The following ZSCAN5B variants were observed in gnomAD, a reference collection of about 807,000 sequenced individuals.
ZSCAN5B encodes zinc finger and SCAN domain containing 5B.
ZSCAN5B carries 26 observed loss-of-function variants against 25.2 expected under a neutral mutation model. That is an observed-to-expected ratio of 1.03 (90% confidence interval 0.76 to 1.43). The LOEUF is 1.43. ZSCAN5B is among the 40% of genes most tolerant of loss of function. The pLI, the probability that ZSCAN5B is intolerant of heterozygous loss-of-function variation, is 0.00. For missense variants in ZSCAN5B, 745 were observed against 622.1 expected (o/e 1.20, Z -2.10); for synonymous variants, 244 against 240.9 (o/e 1.01, Z -0.12).
rs368861394 is a variant in ZSCAN5B, at chr19:56,192,942, G to A, written c.111C>T (p.Asp37=). 2.7e-5 allele frequency: 43 copies of A among 1,613,778 alleles called. No individual in the cohort carries two copies. In the East Asian group the frequency reaches 8.0e-4, roughly 30 times the overall value. The change falls in exon 2 of 5, where the codon GAC becomes GAT. Residue 37 remains aspartate (D), a synonymous_variant. Coordinates refer to ENST00000586855, the Ensembl canonical transcript of ZSCAN5B. ...TCATGTGCCAAGTCTCAGGGTTCCT[G>A]TCGTGATTTCCAAGTTGAGTTTCTG...
chr19:56,191,133 C>T, intron 3 of ZSCAN5B, 146 bp from the exon 4 acceptor site: 1 of 1,129,464 alleles, frequency 8.9e-7, no homozygotes, highest in Non-Finnish European at 1.3e-6. Context: ...ATTTCTGCGT[C>T]TGTCCCTAAT....
At position 56,193,013 on chromosome 19, in the gene ZSCAN5B, G is replaced by A. The variant is rs551826201; in HGVS notation, c.40C>T (p.Pro14Ser). ...GTGTCTGACCCAGGGCTGTTGCAGG[G>A]TCCTCCCTGACCCCATGAGAGTGTC... The change falls in exon 2 of 5, where the codon CCC (proline) becomes TCC (serine). Residue 14 changes from proline to serine, a missense_variant. Coordinates refer to ENST00000586855, the Ensembl canonical transcript of ZSCAN5B. 3.9e-5 allele frequency: 63 copies of A among 1,596,240 alleles called. No individual in the cohort carries two copies. In the South Asian group the frequency reaches 6.2e-4, roughly 16 times the overall value.
intron 1 of ZSCAN5B, 41 bp downstream of exon 1, chr19:56,197,693 C>T: frequency 1.0e-6 from 1 of 974,094 alleles, no homozygotes; most frequent in Non-Finnish European, 1.2e-6. Flanking sequence ...CCCCCGCATG[C>T]CAGCTCCGAA....
chr19:56,190,557 T>G (rs1660985764), exon 5 of ZSCAN5B: 20 of 1,612,362 alleles, frequency 1.2e-5, no homozygotes, highest in Non-Finnish European at 1.5e-5. Flanking sequence ...TTCCTTCCCC[T>G]CCTTTGCTCT....
Position 56,190,965 on chromosome 19 carries a change from T to C in ZSCAN5B, c.611A>G (p.Lys204Arg), listed in dbSNP as rs1390353708. 18 of 1,613,556 alleles carry C rather than the reference T, an allele frequency of 1.1e-5. No individual in the cohort carries two copies. The highest frequency in any genetic ancestry group is 1.7e-5 in the Admixed American group (1 of 59,974). ...TGGGTCACCTGTTACGTCAATACTC[T>C]TGTGTAGCAGAAAGTCCTCTCCCTG... The change falls in exon 4 of 5, where the codon AAG becomes AGG. Residue 204 changes from lysine (K) to arginine (R), a missense_variant. Coordinates refer to ENST00000586855, the Ensembl canonical transcript of ZSCAN5B.
chr19:56,191,761 C>G, intron 3 of ZSCAN5B, 89 bp downstream of exon 3: 1 of 1,374,554 alleles, frequency 7.3e-7, no homozygotes, highest in African/African-American at 1.4e-5. Flanking sequence ...TTGTCCTGTG[C>G]CAAATCTCTC....
rs1599939616 is a variant in ZSCAN5B, at chr19:56,193,137, C to T, written c.-85G>A. ...ATTGAGACCTATTTACACAGGCTGC[C>T]CCTGTTTCTTCTCAGTAATATATTC... On this transcript the variant is annotated 5_prime_UTR_variant, in exon 2 of 5. Coordinates refer to ENST00000586855, the Ensembl canonical transcript of ZSCAN5B. 3 of 1,385,686 alleles carry T rather than the reference C, an allele frequency of 2.2e-6. No homozygotes were observed. In the East Asian group the frequency reaches 7.6e-5, roughly 35 times the overall value. The allele number at this position is 1,385,686 out of a possible 1,614,324, so 85.8% of individuals were successfully genotyped here.
chr19:56,191,792 G>C, intron 3 of ZSCAN5B, 58 bp downstream of exon 3: 1 of 1,569,248 alleles, frequency 6.4e-7, no homozygotes. Flanking sequence ...GCAGCCACAC[G>C]ATTTCCTCCT....
rs2032708328 is a variant in ZSCAN5B, at chr19:56,190,195, T to C, written c.1120A>G (p.Arg374Gly). The change falls in exon 5 of 5, where the codon AGG becomes GGG. Residue 374 changes from arginine (R) to glycine (G), a missense_variant. By Grantham distance (125) the Arg-to-Gly change is moderately radical. Transcript: ENST00000586855. ...GGTCTGTCTCCTGTGTGTGACCTCC[T>C]GTGGATGCTTAGCTGGGAAAAATAC... 4 of 1,613,958 alleles carry C rather than the reference T, an allele frequency of 2.5e-6. No homozygotes were observed. The South Asian group carries it at 3.3e-5, about 13-fold the overall frequency.
intron 1 of ZSCAN5B, among the ~76,000 whole-genome samples, chr19:56,196,714 G>A (rs1245719349): frequency 6.6e-6 from 1 of 152,218 alleles, no homozygotes; most frequent in Non-Finnish European, 1.5e-5. Flanking sequence ...AGTGAACCGC[G>A]ATTGTGCCAC....
At chr19:56,191,782 G>A in intron 3 of ZSCAN5B, 68 bp downstream of exon 3, 1 of 1,525,338 alleles carries the variant, frequency 6.6e-7, no homozygotes, top group South Asian at 1.2e-5. Context: ...AATCAGTTCT[G>A]CAGCCACACG....
chr19:56,191,992 T>C lies in ZSCAN5B; in HGVS notation c.446A>G (p.Glu149Gly), dbSNP rs557945620. 169 of 1,613,970 alleles carry C rather than the reference T, an allele frequency of 1.0e-4. No individual in the cohort carries two copies. Among genetic ancestry groups the C allele is most frequent in the South Asian group, 7.1e-4 (65 of 91,034 alleles). The change falls in exon 3 of 5, where the codon GAA becomes GGA. Residue 149 changes from glutamate to glycine, a missense_variant. Glu to Gly is a moderately conservative substitution (Grantham distance 98, BLOSUM62 -2). Coordinates refer to ENST00000586855, the Ensembl canonical transcript of ZSCAN5B. ...ATCATCTCTGACACTGGCGGGGGCT[T>C]CAGCCATCTCGACATCTGAGTTCAG...
chr19:56,193,001 G>C, exon 2 of ZSCAN5B: 3 of 1,601,732 alleles, frequency 1.9e-6, no homozygotes, highest in Non-Finnish European at 2.6e-6. Context: ...TCTGACCCAG[G>C]GCTGTTGCAG....
rs373881883 is a variant in ZSCAN5B at position 56,196,305 on chromosome 19, G to A, written c.-128+1429C>T. On this transcript the variant is annotated intron_variant, in intron 1 of 4. Transcript: ENST00000586855. ...GAACTCAAGTGATCCCTATGCCTCG[G>A]CCTCCCAGAGTGCTGGGATTACAGG... 6.6e-5 allele frequency among the ~76,000 whole-genome samples: 10 copies of A among 152,208 alleles called. No homozygotes were observed. In the East Asian group the frequency reaches 1.9e-3, roughly 29 times the overall value.
intron 1 of ZSCAN5B, among the ~76,000 whole-genome samples, chr19:56,196,349 GC>G (rs1376066990): frequency 6.6e-6 from 1 of 152,068 alleles, no homozygotes; most frequent in Non-Finnish European, 1.5e-5. Context: ...ACCGCACCTG[GC>G]CATTAAAACT....
Position 56,190,008 on chromosome 19 carries a change from T to C in ZSCAN5B, c.1307A>G (p.Glu436Gly), listed in dbSNP as rs1476436399. 48 of 1,613,838 alleles carry C rather than the reference T, an allele frequency of 3.0e-5. No individual in the cohort carries two copies. The highest frequency in any genetic ancestry group is 3.9e-5 in the Non-Finnish European group (46 of 1,179,900). The change falls in exon 5 of 5, where the codon GAG becomes GGG. Residue 436 changes from glutamate to glycine, a missense_variant. By Grantham distance (98) the Glu-to-Gly change is moderately conservative (BLOSUM62 -2). Transcript: ENST00000586855. The stretch of plus-strand genomic sequence containing the variant: ...GCAGTATTTACATTTAAACGGCCTC[T>C]CCCCGGTGTGGATCCTCTTGTGGCC...
chr19:56,190,629 C>A, intron 4 of ZSCAN5B, 54 bp from the exon 5 acceptor site: 2 of 1,585,436 alleles, frequency 1.3e-6, no homozygotes, highest in Non-Finnish European at 1.7e-6. Context: ...ATTTTCAATA[C>A]ACCAAACTCA....
exon 5 of ZSCAN5B, chr19:56,190,493 G>C (rs778769940): frequency 6.2e-7 from 1 of 1,613,922 alleles, no homozygotes; most frequent in Admixed American, 1.7e-5. Flanking sequence ...TCTCCACAAC[G>C]CAGGCAGAAG....
At position 56,192,658 on chromosome 19, in the gene ZSCAN5B, T is replaced by C. The variant is rs10416043; in HGVS notation, c.384+11A>G. The C allele has an allele frequency of 6.9e-6, 11 of 1,591,680 alleles. No homozygotes were observed. The Admixed American group carries it at 1.7e-4, about 25-fold the overall frequency. On this transcript the variant is annotated intron_variant, in intron 2 of 4. Transcript: ENST00000586855. ...CCCCTTCCCTGCACCAATCACGAGG[T>C]TCCCACTCACCCATTTCTTGGGTCT...
Sources: allele counts gnomAD v4.1 joint callset (sites outside exome capture counted in the v4.1 genomes callset), GRCh38; gene constraint gnomAD v4.1.1; transcripts MANE v1.5; gene names NCBI Gene and HGNC (gene_info 2026-07-23, HGNC 2026-07-21).